The following NFYC variants were observed in gnomAD, a reference collection of about 807,000 sequenced individuals.
NFYC encodes nuclear transcription factor Y subunit gamma.
A neutral mutation model predicts 53.1 loss-of-function variants in NFYC; 25 were observed. That is an observed-to-expected ratio of 0.47 (90% CI 0.34 to 0.66). NFYC has a LOEUF of 0.66. Among genes scored for constraint, NFYC ranks in the 30% least tolerant of loss-of-function variants. The probability of loss-of-function intolerance (pLI) is 0.01; values close to 1 mark genes in which losing one functional copy is unlikely to be tolerated. For synonymous variants in NFYC, 145 were observed against 152.6 expected (o/e 0.95, Z 0.37); for missense variants, 260 against 422.7 (o/e 0.62, Z 3.38).
At chr1:40,704,319 C>G (rs7522671) in intron 1 of NFYC, among the ~76,000 whole-genome samples, 99,325 of 152,040 alleles carry the variant, frequency 0.65, 32,691 homozygotes, top group African/African-American at 0.72. Flanking sequence ...GATCTGCCCC[C>G]CTCAGCCTCC....
intron 1 of NFYC, among the ~76,000 whole-genome samples, chr1:40,721,945 C>T (rs890471725): frequency 2.6e-5 from 4 of 151,996 alleles, no homozygotes; most frequent in African/African-American, 7.2e-5. Context: ...CCAAGGTGGG[C>T]GGATCAGGAG....
chr1:40,717,020 C>T (rs1644162135), intron 1 of NFYC, among the ~76,000 whole-genome samples: 1 of 152,112 alleles, frequency 6.6e-6, no homozygotes, highest in South Asian at 2.1e-4. Context: ...TTCTGGGTAG[C>T]TTTCTGGTTG....
intron 1 of NFYC, among the ~76,000 whole-genome samples, chr1:40,724,597 A>G (rs1644444583): frequency 6.6e-6 from 1 of 152,190 alleles, no homozygotes; most frequent in Non-Finnish European, 1.5e-5. Flanking sequence ...TGAAAGGATG[A>G]GTAAGAATGT....
intron 1 of NFYC, among the ~76,000 whole-genome samples, chr1:40,715,606 A>G (rs1161704134): frequency 6.6e-6 from 1 of 152,126 alleles, no homozygotes; most frequent in African/African-American, 2.4e-5. Context: ...TAACGTGGTC[A>G]GATTCTATTT....
At chr1:40,755,401 T>A (rs1299386562) in intron 5 of NFYC, among the ~76,000 whole-genome samples, 4 of 152,226 alleles carry the variant, frequency 2.6e-5, no homozygotes, top group African/African-American at 9.6e-5. Flanking sequence ...GAAAAGGAAC[T>A]AGTCAGAAAT....
chr1:40,765,697 A>G (rs1273178542), intron 7 of NFYC, among the ~76,000 whole-genome samples: 1 of 152,168 alleles, frequency 6.6e-6, no homozygotes, highest in Non-Finnish European at 1.5e-5. Flanking sequence ...GAGGGTGTGA[A>G]TGTCTGCAGT....
At chr1:40,697,572 A>T (rs921112164) in intron 1 of NFYC, among the ~76,000 whole-genome samples, 1 of 152,248 alleles carries the variant, frequency 6.6e-6, no homozygotes, top group African/African-American at 2.4e-5. Flanking sequence ...AATAGCAATG[A>T]TGATTAAATT....
intron 7 of NFYC, among the ~76,000 whole-genome samples, chr1:40,765,179 G>A (rs932497160): frequency 6.6e-6 from 1 of 152,200 alleles, no homozygotes; most frequent in Non-Finnish European, 1.5e-5. Context: ...ATAGGATTTA[G>A]GTGGGGAATT....
In NFYC at chr1:40,719,204, C is replaced by A. The variant is rs530162143; in HGVS notation, c.-8-19632C>A. On this transcript the variant is annotated intron_variant, in intron 1 of 9. Coordinates refer to ENST00000447388, the MANE Select transcript of NFYC (RefSeq NM_014223.5). Reference sequence around the variant, plus strand: ...TTAAATAATCCGTTGCTTTAAATTTCCTAGCTATGATTTATAATCCTTGCT... The same window carrying A: ...TTAAATAATCCGTTGCTTTAAATTTACTAGCTATGATTTATAATCCTTGCT... Among the ~76,000 whole-genome samples the A allele has an allele frequency of 1.3e-4, 20 of 152,290 alleles. No individual in the cohort carries two copies. In the South Asian group the frequency reaches 3.7e-3, roughly 28 times the overall value.
intron 1 of NFYC, among the ~76,000 whole-genome samples, chr1:40,728,242 A>T (rs1644609417): frequency 6.6e-6 from 1 of 152,104 alleles, no homozygotes; most frequent in African/African-American, 2.4e-5. Context: ...TAAGACTTGA[A>T]TGTTGAAATT....
At chr1:40,752,123 A>C (rs1645950180) in intron 4 of NFYC, among the ~76,000 whole-genome samples, 1 of 152,254 alleles carries the variant, frequency 6.6e-6, no homozygotes, top group Non-Finnish European at 1.5e-5. Flanking sequence ...TTTATTATGA[A>C]AAATTTCAAA....
intron 2 of NFYC, among the ~76,000 whole-genome samples, chr1:40,743,873 G>A (rs900721449): frequency 1.3e-5 from 2 of 152,172 alleles, no homozygotes; most frequent in African/African-American, 4.8e-5. Context: ...GAGTTCCCAG[G>A]TGATACCATT....
rs143083536 is a variant in NFYC, at chr1:40,756,910, C to T, written c.388-1211C>T. On this transcript the variant is annotated intron_variant, in intron 5 of 9. Transcript: ENST00000447388. The stretch of plus-strand genomic sequence containing the variant: ...TTAGTAGAACAGACAGTTAATTTGA[C>T]ATGCAAGTGCAAAAATGTATACTGT... Among the ~76,000 whole-genome samples, 883 of 152,324 alleles carry T rather than the reference C, an allele frequency of 5.8e-3. 7 individuals are homozygous for T. Among genetic ancestry groups the T allele is most frequent in the South Asian group, 0.033 (160 of 4,828 alleles).
At chr1:40,765,444 G>A (rs576478735) in intron 7 of NFYC, among the ~76,000 whole-genome samples, 15 of 152,330 alleles carry the variant, frequency 9.8e-5, no homozygotes, top group Admixed American at 2.6e-4. Context: ...TGAACACTGC[G>A]TGCAGGAATG....
intron 1 of NFYC, among the ~76,000 whole-genome samples, chr1:40,734,546 A>C (rs946067505): frequency 6.6e-5 from 10 of 151,950 alleles, no homozygotes; most frequent in Non-Finnish European, 1.5e-4. Flanking sequence ...TTTTTAGTAG[A>C]GATGAGGTTT....
intron 1 of NFYC, among the ~76,000 whole-genome samples, chr1:40,736,479 C>T (rs1358179689): frequency 1.3e-5 from 2 of 152,160 alleles, no homozygotes; most frequent in South Asian, 2.1e-4. Flanking sequence ...TGGTGCTTTG[C>T]TTTCAGCCCC....
In NFYC at chr1:40,757,261, A is replaced by G. The variant is rs767561884; in HGVS notation, c.388-860A>G. ...CTGTGTCAGTGGTCAGGGGCTGATC[A>G]ACCCTGGACCCTGTGGGCTATAACC... On this transcript the variant is annotated intron_variant, in intron 5 of 9. Coordinates refer to ENST00000447388, the MANE Select transcript of NFYC (RefSeq NM_014223.5). 7 of 495,650 alleles carry G rather than the reference A, an allele frequency of 1.4e-5. No individual in the cohort carries two copies. The East Asian group carries it at 3.4e-4, about 24-fold the overall frequency. The allele number at this position is 495,650 out of a possible 1,614,324, so 30.7% of individuals were successfully genotyped here. A position where few individuals can be genotyped will look rare whatever the true frequency, so the allele number is the denominator to read the frequency against.
chr1:40,697,220 A>G (rs1383334541), intron 1 of NFYC, among the ~76,000 whole-genome samples: 2 of 152,242 alleles, frequency 1.3e-5, no homozygotes, highest in Admixed American at 1.3e-4. Flanking sequence ...GTGGGAGAAC[A>G]CATTTTCATT....
intron 1 of NFYC, among the ~76,000 whole-genome samples, chr1:40,709,016 A>G (rs185051817): frequency 1.3e-5 from 2 of 152,266 alleles, no homozygotes; most frequent in East Asian, 3.9e-4. Flanking sequence ...AACACTAACA[A>G]CCCTTTGGCT....
Sources: allele counts gnomAD v4.1 joint callset (sites outside exome capture counted in the v4.1 genomes callset), GRCh38; gene constraint gnomAD v4.1.1; transcripts MANE v1.5; gene names NCBI Gene and HGNC (gene_info 2026-07-23, HGNC 2026-07-21).